Variants in LGR4 observed in about 807,000 individuals in gnomAD.
LGR4 encodes leucine-rich repeat-containing G protein-coupled receptor 4.
Under a neutral mutation model 84.8 loss-of-function variants are expected in LGR4, and 44 were observed. That is an observed-to-expected ratio of 0.52 (90% CI 0.41 to 0.67). The LOEUF is 0.67. LGR4 is among the 30% of genes least tolerant of loss of function. LGR4 has a pLI of 0.00. For synonymous variants in LGR4, 429 were observed against 434.3 expected, an observed-to-expected ratio of 0.99 and a Z score of 0.15; for missense variants, 1,032 against 1,131.4, an observed-to-expected ratio of 0.91 and a Z score of 1.26.
At chr11:27,467,516 G>A (rs1864800644) in intron 1 of LGR4, among the ~76,000 whole-genome samples, 1 of 150,190 alleles carries the variant, frequency 6.7e-6, no homozygotes, top group African/African-American at 2.5e-5. Context: ...GCAGTGAGCC[G>A]AGGTCGTGCC....
chr11:27,461,342 A>AT (rs1864675901), intron 1 of LGR4, among the ~76,000 whole-genome samples: 1 of 151,950 alleles, frequency 6.6e-6, no homozygotes, highest in Admixed American at 6.6e-5. Context: ...ATCTCCATAA[A>AT]TTAAAAAAAA....
chr11:27,426,246 C>A (rs1409477928), intron 1 of LGR4, among the ~76,000 whole-genome samples: 1 of 152,154 alleles, frequency 6.6e-6, no homozygotes, highest in Non-Finnish European at 1.5e-5. Context: ...CGACAGATTT[C>A]CTCCCTGTCT....
chr11:27,456,508 T>C (rs944650348), intron 1 of LGR4, among the ~76,000 whole-genome samples: 17 of 152,226 alleles, frequency 1.1e-4, no homozygotes, highest in African/African-American at 3.9e-4. Flanking sequence ...GAAACCATCA[T>C]ACTGCACATT....
At chr11:27,381,218 T>TA (rs967494467) in intron 7 of LGR4, among the ~76,000 whole-genome samples, 5 of 152,032 alleles carry the variant, frequency 3.3e-5, no homozygotes, top group Admixed American at 1.3e-4. Flanking sequence ...TGCTTCATCA[T>TA]AAAAAAAAGC....
intron 3 of LGR4, among the ~76,000 whole-genome samples, chr11:27,391,440 TA>T: frequency 6.6e-6 from 1 of 152,250 alleles, no homozygotes; most frequent in East Asian, 1.9e-4. Flanking sequence ...TTGTTTCTGG[TA>T]ATTAAGGCAC....
At chr11:27,407,209 T>C (rs538098877) in intron 2 of LGR4, among the ~76,000 whole-genome samples, 1 of 152,238 alleles carries the variant, frequency 6.6e-6, no homozygotes, top group South Asian at 2.1e-4. Context: ...ACAAATTTGG[T>C]CAGCAAACTT....
At chr11:27,394,915 C>G (rs868839664) in intron 2 of LGR4, among the ~76,000 whole-genome samples, 1 of 152,040 alleles carries the variant, frequency 6.6e-6, no homozygotes, top group Non-Finnish European at 1.5e-5. Flanking sequence ...CACCCACCAA[C>G]ATGCCAATTC....
At chr11:27,380,492 T>C (rs1863071403) in intron 9 of LGR4, 148 bp downstream of exon 9, 1 of 735,746 alleles carries the variant, frequency 1.4e-6, no homozygotes, top group Non-Finnish European at 2.2e-6. Context: ...GGCAAAGTAT[T>C]CACAAAAATA....
intron 1 of LGR4, among the ~76,000 whole-genome samples, chr11:27,462,204 T>A (rs1477089624): frequency 6.6e-6 from 1 of 152,096 alleles, no homozygotes; most frequent in Non-Finnish European, 1.5e-5. Context: ...TATCTACAGA[T>A]CACATTGACA....
chr11:27,384,833 TA>T (rs532112196), intron 5 of LGR4, among the ~76,000 whole-genome samples: 8 of 152,292 alleles, frequency 5.3e-5, no homozygotes, highest in Admixed American at 1.3e-4. Flanking sequence ...AAAGAAGCAC[TA>T]TTTTGTTATG....
At chr11:27,369,602 C>T (rs989210509) in intron 17 of LGR4, among the ~76,000 whole-genome samples, 1 of 152,046 alleles carries the variant, frequency 6.6e-6, no homozygotes, top group South Asian at 2.1e-4. Flanking sequence ...GATAATAATG[C>T]CTGTTTCATA....
At chr11:27,460,415 TC>T (rs1410538817) in intron 1 of LGR4, among the ~76,000 whole-genome samples, 1 of 152,164 alleles carries the variant, frequency 6.6e-6, no homozygotes, top group Non-Finnish European at 1.5e-5. Flanking sequence ...GCATCTGTGA[TC>T]CCAACACACA....
chr11:27,470,806 A>G (rs1420844910), intron 1 of LGR4, among the ~76,000 whole-genome samples: 1 of 152,122 alleles, frequency 6.6e-6, no homozygotes, highest in Admixed American at 6.5e-5. Flanking sequence ...TAGAAGAATG[A>G]AACAGGTTCC....
At chr11:27,397,095 C>T (rs748969099) in intron 2 of LGR4, among the ~76,000 whole-genome samples, 5 of 152,156 alleles carry the variant, frequency 3.3e-5, no homozygotes, top group Non-Finnish European at 5.9e-5. Context: ...TTCCCAAAGG[C>T]TCTCTTTTCC....
intron 2 of LGR4, among the ~76,000 whole-genome samples, chr11:27,408,636 C>T (rs754429895): frequency 2.0e-5 from 3 of 152,142 alleles, no homozygotes; most frequent in East Asian, 1.9e-4. Flanking sequence ...GACAACGTCA[C>T]ATCAGGCAGC....
intron 1 of LGR4, among the ~76,000 whole-genome samples, chr11:27,445,814 T>C (rs74854995): frequency 1.3e-5 from 2 of 152,122 alleles, no homozygotes; most frequent in South Asian, 2.1e-4. Context: ...CAGGTGAAGG[T>C]TGCAGTGAGC....
intron 1 of LGR4, among the ~76,000 whole-genome samples, chr11:27,450,381 C>G (rs1864461564): frequency 6.6e-6 from 1 of 152,228 alleles, no homozygotes; most frequent in East Asian, 1.9e-4. Flanking sequence ...AGAATATCTT[C>G]AATTTCTCCT....
rs140426909 is a variant in LGR4, at chr11:27,372,413, T to G, written c.1380-15A>C. 287 of 1,471,372 alleles carry G rather than the reference T, an allele frequency of 2.0e-4. 2 individuals carry two copies. The East Asian group carries it at 6.4e-3, about 33-fold the overall frequency. The allele number at this position is 1,471,372 out of a possible 1,614,324, so 91.1% of individuals were successfully genotyped here. On this transcript the variant is annotated splice_polypyrimidine_tract_variant and intron_variant, in intron 15 of 17. Transcript: ENST00000379214. The stretch of plus-strand genomic sequence containing the variant: ...CTGATAAAGACCTGGAAAAAAAAGT[T>G]GTAAAATCTACACTGAACAGCAACT...
intron 1 of LGR4, among the ~76,000 whole-genome samples, chr11:27,413,285 C>T (rs1863745341): frequency 6.6e-6 from 1 of 152,068 alleles, no homozygotes; most frequent in Non-Finnish European, 1.5e-5. Context: ...AAAAGCATGT[C>T]CTAGCTCTAC....
Sources: allele counts gnomAD v4.1 joint callset (sites outside exome capture counted in the v4.1 genomes callset), GRCh38; gene constraint gnomAD v4.1.1; transcripts MANE v1.5; gene names NCBI Gene and HGNC (gene_info 2026-07-23, HGNC 2026-07-21).